The following GRID2 variants were observed in gnomAD, a reference collection of about 807,000 sequenced individuals.
GRID2 encodes the protein glutamate receptor ionotropic, delta-2.
GRID2 carries 33 observed loss-of-function variants against 114.8 expected under a neutral mutation model. That is an observed-to-expected ratio of 0.29 (90% CI 0.22 to 0.38). The LOEUF (loss-of-function observed/expected upper bound fraction) is 0.38, where lower values mean the gene tolerates loss of function less well. GRID2 is among the 10% of genes least tolerant of loss of function. GRID2 has a pLI of 1.00. For synonymous variants in GRID2, 505 were observed against 449.9 expected, an observed-to-expected ratio of 1.12 and a Z score of -1.55; for missense variants, 1,184 against 1,257.7, an observed-to-expected ratio of 0.94 and a Z score of 0.89.
intron 2 of GRID2, among the ~76,000 whole-genome samples, chr4:92,917,213 T>C (rs1202018242): frequency 2.0e-5 from 3 of 152,190 alleles, no homozygotes. Context: ...GGTTGTTTGT[T>C]TTTTTCTTGT....
chr4:93,228,948 A>G (rs1503222), intron 7 of GRID2, among the ~76,000 whole-genome samples: 103,900 of 151,982 alleles, frequency 0.68, 36,095 homozygotes, highest in Middle Eastern at 0.87. Flanking sequence ...ATTTATAACC[A>G]AAACAATTAT....
chr4:93,125,010 A>T (rs2149367038), intron 4 of GRID2, among the ~76,000 whole-genome samples: 1 of 152,168 alleles, frequency 6.6e-6, no homozygotes. Flanking sequence ...CTTGTAGAAA[A>T]GTGTTAGAAA....
intron 2 of GRID2, among the ~76,000 whole-genome samples, chr4:92,692,215 G>A (rs112131850): frequency 2.6e-5 from 4 of 152,260 alleles, no homozygotes; most frequent in African/African-American, 9.6e-5. Context: ...TCAAGGATTT[G>A]AGTGTAAGGA....
intron 13 of GRID2, among the ~76,000 whole-genome samples, chr4:93,606,693 C>T (rs1457035694): frequency 6.6e-6 from 1 of 152,072 alleles, no homozygotes; most frequent in Non-Finnish European, 1.5e-5. Context: ...TTTATGTAAA[C>T]ATATTATTCA....
rs576093377 is a variant in GRID2 at position 92,763,012 on chromosome 4, A to T, written c.244+172726A>T. On this transcript the variant is annotated intron_variant, in intron 2 of 15. Coordinates refer to ENST00000282020, the MANE Select transcript of GRID2 (RefSeq NM_001510.4). ...GGGGTTGTGTTATATAAGTCTGGGG[A>T]TTGGGAAGTGGTTAAGTAGCTTTTA... Among the ~76,000 whole-genome samples the T allele has an allele frequency of 5.3e-5, 8 of 152,194 alleles. No individual in the cohort carries two copies. The East Asian group carries it at 1.2e-3, about 22-fold the overall frequency.
chr4:92,314,263 T>C (rs754546445), intron 1 of GRID2, among the ~76,000 whole-genome samples: 1 of 152,134 alleles, frequency 6.6e-6, no homozygotes, highest in African/African-American at 2.4e-5. Flanking sequence ...GATTACATTT[T>C]ACATAGTATT....
intron 14 of GRID2, among the ~76,000 whole-genome samples, chr4:93,762,463 C>T (rs553178743): frequency 5.3e-5 from 8 of 152,172 alleles, no homozygotes; most frequent in East Asian, 1.9e-4. Flanking sequence ...GAGTTTCTGG[C>T]GTTACATAGC....
intron 2 of GRID2, among the ~76,000 whole-genome samples, chr4:92,989,980 G>A (rs1294697059): frequency 6.6e-6 from 1 of 152,064 alleles, no homozygotes; most frequent in African/African-American, 2.4e-5. Context: ...TAGATGGGAG[G>A]AATTTACTGA....
chr4:92,943,866 T>G (rs1161847846), intron 2 of GRID2, among the ~76,000 whole-genome samples: 1 of 152,170 alleles, frequency 6.6e-6, no homozygotes, highest in Non-Finnish European at 1.5e-5. Flanking sequence ...TTTGCCTGAG[T>G]ATCAGCAGCG....
At chr4:92,851,251 G>T (rs569726923) in intron 2 of GRID2, among the ~76,000 whole-genome samples, 49 of 152,012 alleles carry the variant, frequency 3.2e-4, no homozygotes, top group African/African-American at 1.1e-3. Context: ...AAAAGTGCTT[G>T]CTTATAAGAA....
At position 92,865,350 on chromosome 4, in the gene GRID2, A is replaced by G. The variant is rs7659745; in HGVS notation, c.245-219645A>G. 5.6e-3 allele frequency among the ~76,000 whole-genome samples: 851 copies of G among 152,358 alleles called. 12 individuals carry two copies. The highest frequency in any genetic ancestry group is 0.02 in the African/African-American group (818 of 41,580). On this transcript the variant is annotated intron_variant, in intron 2 of 15. Transcript: ENST00000282020. ...TTTTGGAATAGGTTATTGAAGTAAT[A>G]AAATACAAGGTCTTTTTTACTATTT...
intron 2 of GRID2, among the ~76,000 whole-genome samples, chr4:93,057,062 G>T (rs1187413557): frequency 6.6e-6 from 1 of 151,732 alleles, no homozygotes; most frequent in Non-Finnish European, 1.5e-5. Flanking sequence ...AAACAAGAAG[G>T]AATTAAAGGA....
intron 2 of GRID2, among the ~76,000 whole-genome samples, chr4:92,807,679 G>T (rs912737382): frequency 2.6e-5 from 4 of 152,024 alleles, no homozygotes; most frequent in African/African-American, 4.8e-5. Context: ...GAAAGGAGAC[G>T]TTGATAAGAT....
intron 8 of GRID2, among the ~76,000 whole-genome samples, chr4:93,310,060 G>C (rs1755852635): frequency 1.3e-5 from 2 of 152,256 alleles, no homozygotes; most frequent in South Asian, 4.1e-4. Context: ...AGGGGGTAAT[G>C]AGAGATTTTG....
At chr4:92,491,373 T>C (rs1409429700) in intron 1 of GRID2, among the ~76,000 whole-genome samples, 1 of 152,170 alleles carries the variant, frequency 6.6e-6, no homozygotes, top group Non-Finnish European at 1.5e-5. Context: ...TTGATGCTTT[T>C]ATCTTCTGCT....
chr4:93,677,456 G>C (rs947980579), intron 14 of GRID2, among the ~76,000 whole-genome samples: 2 of 152,162 alleles, frequency 1.3e-5, no homozygotes, highest in Non-Finnish European at 2.9e-5. Flanking sequence ...CTGGAGATCT[G>C]AGAACGGGCA....
At chr4:93,081,100 T>C (rs893467352) in intron 2 of GRID2, among the ~76,000 whole-genome samples, 1 of 149,190 alleles carries the variant, frequency 6.7e-6, no homozygotes, top group Non-Finnish European at 1.5e-5. Flanking sequence ...ATTTCAACTT[T>C]GGGGGACACA....
intron 2 of GRID2, among the ~76,000 whole-genome samples, chr4:92,843,714 G>T (rs937533110): frequency 6.6e-6 from 1 of 152,086 alleles, no homozygotes; most frequent in Non-Finnish European, 1.5e-5. Context: ...TCACAAAGAT[G>T]TGTAGTTGGA....
At chr4:93,779,226 A>C (rs569317502), downstream of GRID2, among the ~76,000 whole-genome samples, 2 of 146,960 alleles carry the variant, frequency 1.4e-5, no homozygotes, top group East Asian at 4.0e-4. Flanking sequence ...TTTTTTAATG[A>C]GTTTAGTACC....
Sources: allele counts gnomAD v4.1 joint callset (sites outside exome capture counted in the v4.1 genomes callset), GRCh38; gene constraint gnomAD v4.1.1; transcripts MANE v1.5; gene names NCBI Gene and HGNC (gene_info 2026-07-23, HGNC 2026-07-21).